Variants in POLN observed in about 807,000 individuals in gnomAD.
POLN encodes DNA polymerase nu.
Under a neutral mutation model 113.5 loss-of-function variants are expected in POLN, and 108 were observed. The ratio of observed to expected loss-of-function variants is 0.95; its 90% confidence interval spans 0.81 to 1.12. POLN has a LOEUF of 1.12. Ranked by LOEUF, POLN falls within the 50% of genes most tolerant of loss-of-function variation. The pLI is 0.00. For synonymous variants in POLN, 386 were observed against 391.5 expected (o/e 0.99, Z 0.17); for missense variants, 1,097 against 1,077.1 (o/e 1.02, Z -0.26).
chr4:2,236,467 A>G, intron 2 of POLN: 1 of 1,554,232 alleles, frequency 6.4e-7, no homozygotes, highest in Non-Finnish European at 8.9e-7. Context: ...CTGAAATGTA[A>G]AAATTAAAAT....
intron 19 of POLN, among the ~76,000 whole-genome samples, chr4:2,103,402 G>A (rs1411446945): frequency 6.6e-6 from 1 of 151,820 alleles, no homozygotes; most frequent in Non-Finnish European, 1.5e-5. Context: ...AATCCACTAA[G>A]AAAAATTAAA....
chr4:2,083,906 G>A (rs1038978236), intron 21 of POLN, among the ~76,000 whole-genome samples: 4 of 152,256 alleles, frequency 2.6e-5, no homozygotes, highest in African/African-American at 9.6e-5. Flanking sequence ...ACAAAATGTA[G>A]AAGGACGTGA....
At chr4:2,086,022 T>C (rs375848680) in intron 20 of POLN, among the ~76,000 whole-genome samples, 15 of 152,146 alleles carry the variant, frequency 9.9e-5, no homozygotes, top group African/African-American at 3.4e-4. Flanking sequence ...GTGCGGCCAG[T>C]GGGAGATCCA....
chr4:2,162,707 T>C (rs1249242633), intron 13 of POLN, among the ~76,000 whole-genome samples: 1 of 152,140 alleles, frequency 6.6e-6, no homozygotes, highest in African/African-American at 2.4e-5. Flanking sequence ...TCCTCCTGCC[T>C]TGGCCTCCCA....
In POLN at chr4:2,208,424, T is replaced by C. The variant is rs773787665; in HGVS notation, c.277A>G (p.Ser93Gly). 2.5e-6 allele frequency: 4 copies of C among 1,603,214 alleles called. No individual in the cohort carries two copies. The highest frequency in any genetic ancestry group is 4.5e-5 in the East Asian group (2 of 44,838). The change falls in exon 5 of 26, where the codon AGT becomes GGT. Residue 93 changes from serine to glycine, a missense_variant. Coordinates refer to ENST00000511885, the MANE Select transcript of POLN (RefSeq NM_181808.4). The part of the protein sequence containing the change: ...GSAKLSPQSF[S>G]VRLTDQLSAD... ...GACAGCTGATCTGTGAGCCTGACAC[T>C]GAAGGACTGAGGAGACAGCTTGGCA...
intron 3 of POLN, among the ~76,000 whole-genome samples, chr4:2,215,995 C>A (rs1487821799): frequency 6.6e-6 from 1 of 152,246 alleles, no homozygotes; most frequent in African/African-American, 2.4e-5. Flanking sequence ...CCATGCCCTT[C>A]TCTGGCCATA....
intron 19 of POLN, among the ~76,000 whole-genome samples, chr4:2,111,641 T>C (rs1430551214): frequency 2.0e-5 from 3 of 152,150 alleles, no homozygotes; most frequent in East Asian, 1.9e-4. Flanking sequence ...CCATTCACAA[T>C]TGCTTCAAAG....
At chr4:2,148,943 A>G (rs988623180) in intron 16 of POLN, among the ~76,000 whole-genome samples, 6 of 152,148 alleles carry the variant, frequency 3.9e-5, no homozygotes, top group African/African-American at 1.4e-4. Context: ...TTTAACTGAG[A>G]ATTTTATACC....
At chr4:2,175,783 A>C (rs6851410) in intron 9 of POLN, among the ~76,000 whole-genome samples, 40,159 of 152,068 alleles carry the variant, frequency 0.26, 8,546 homozygotes, top group African/African-American at 0.58. Flanking sequence ...GATGGGGCAT[A>C]GGGGGCAGGA....
chr4:2,216,477 GGCTGCACACGAGGTGA>G (rs1734115804), intron 3 of POLN, among the ~76,000 whole-genome samples: 1 of 152,190 alleles, frequency 6.6e-6, no homozygotes, highest in African/African-American at 2.4e-5. Context: ...GTCACCTCCA[GGCTGCACACGAGGTGA>G]GCTGTGCCTT....
chr4:2,203,253 G>A (rs1233520242), intron 5 of POLN, among the ~76,000 whole-genome samples: 1 of 152,106 alleles, frequency 6.6e-6, no homozygotes, highest in Non-Finnish European at 1.5e-5. Context: ...AATGATCACT[G>A]GCTCAAAAAT....
rs779593376 is a variant in POLN at position 2,213,067 on chromosome 4, T to C, written c.193A>G (p.Thr65Ala). The C allele has an allele frequency of 1.3e-5, 21 of 1,609,370 alleles. No homozygotes were observed. In the Admixed American group the frequency reaches 3.5e-4, roughly 27 times the overall value. Residue 65 changes from threonine to alanine, a missense_variant, in exon 4 of 26, where the codon ACT becomes GCT. Transcript: ENST00000511885. ...KYSVQLEDRK[T>A]QSPEKKDLKS... ...TTTACCTTTTTTTCTGGTGATTGAG[T>C]CTTCCTGTCTTCAAGTTGTACTGAA... is the stretch of plus-strand genomic sequence containing the variant.
chr4:2,160,470 A>G (rs1732553085), intron 13 of POLN, among the ~76,000 whole-genome samples: 1 of 151,992 alleles, frequency 6.6e-6, no homozygotes, highest in South Asian at 2.1e-4. Context: ...GAAGTCGTGC[A>G]ATCATAACTC....
intron 13 of POLN, among the ~76,000 whole-genome samples, chr4:2,160,860 A>G (rs1732563689): frequency 6.6e-6 from 1 of 152,172 alleles, no homozygotes; most frequent in Non-Finnish European, 1.5e-5. Context: ...TCCTCTTGTT[A>G]TATTTTCTCC....
In POLN at chr4:2,127,792, T is replaced by C. The variant is rs1731621790; in HGVS notation, c.1982+321A>G. Among the ~76,000 whole-genome samples the C allele has an allele frequency of 6.6e-6, 1 of 152,242 alleles. No homozygotes were observed. The highest frequency in any genetic ancestry group is 1.5e-5 in the Non-Finnish European group (1 of 68,046). ...CACCTTGGCTCTCCTCGGAGGGCAG[T>C]GGCTCACAGCCAGCACCGCGGGCTC... On this transcript the variant is annotated intron_variant, in intron 19 of 25. Transcript: ENST00000511885. This position sits in a 1 kb window ranked among gnomAD's most constrained non-coding sequence, Gnocchi z 4.7.
chr4:2,202,876 G>A (rs1192452761), intron 5 of POLN, among the ~76,000 whole-genome samples: 4 of 152,050 alleles, frequency 2.6e-5, no homozygotes, highest in Non-Finnish European at 5.9e-5. Context: ...TAAGAAATGA[G>A]GTAGACAGCA....
intron 5 of POLN, among the ~76,000 whole-genome samples, chr4:2,203,788 T>G (rs1733775450): frequency 6.6e-6 from 1 of 151,478 alleles, no homozygotes; most frequent in Non-Finnish European, 1.5e-5. Flanking sequence ...TCAATGATAT[T>G]GAAACAAACA....
chr4:2,201,277 C>CAAA (rs35399602), intron 5 of POLN, among the ~76,000 whole-genome samples: 263 of 15,834 alleles, frequency 0.017, 110 homozygotes, highest in Non-Finnish European at 0.017. Flanking sequence ...CCTACCACTC[C>CAAA]AAAAAAAAAA....
chr4:2,094,064 C>T (rs962545726), intron 20 of POLN, among the ~76,000 whole-genome samples: 3 of 152,050 alleles, frequency 2.0e-5, no homozygotes, highest in African/African-American at 4.8e-5. Context: ...AAACAGAAGC[C>T]AGCCAGGTGC....
Sources: allele counts gnomAD v4.1 joint callset (sites outside exome capture counted in the v4.1 genomes callset), GRCh38; gene constraint gnomAD v4.1.1; non-coding constraint Gnocchi (gnomAD v3.1); transcripts MANE v1.5; gene names NCBI Gene and HGNC (gene_info 2026-07-23, HGNC 2026-07-21).